The following CNTNAP2 variants were observed in gnomAD, a reference collection of about 807,000 sequenced individuals.
CNTNAP2 encodes contactin associated protein 2.
In CNTNAP2, 98 loss-of-function variants were observed where a neutral mutation model predicts 155.2. That is an observed-to-expected ratio of 0.63 (90% CI 0.54 to 0.75). The LOEUF (loss-of-function observed/expected upper bound fraction) is 0.75. Among genes scored for constraint, CNTNAP2 ranks in the 30% least tolerant of loss-of-function variants. The probability of loss-of-function intolerance (pLI) is 0.00; values close to 1 mark genes in which losing one functional copy is unlikely to be tolerated. For missense variants in CNTNAP2, 1,727 were observed against 1,688.1 expected, an observed-to-expected ratio of 1.02 and a Z score of -0.40; for synonymous variants, 651 against 631.2, an observed-to-expected ratio of 1.03 and a Z score of -0.47.
At chr7:146,343,273 G>A (rs774250197) in intron 1 of CNTNAP2, among the ~76,000 whole-genome samples, 25 of 152,104 alleles carry the variant, frequency 1.6e-4, no homozygotes, top group Admixed American at 3.9e-4. Context: ...CACACGCTTA[G>A]AGAACATTCC....
chr7:148,112,632 C>A (rs1804377499), intron 15 of CNTNAP2, among the ~76,000 whole-genome samples: 1 of 151,974 alleles, frequency 6.6e-6, no homozygotes, highest in Admixed American at 6.6e-5. Context: ...TGGCCTCAAG[C>A]AATCCTCCCA....
intron 14 of CNTNAP2, among the ~76,000 whole-genome samples, chr7:147,929,557 A>G (rs1209240149): frequency 1.3e-5 from 2 of 152,234 alleles, no homozygotes; most frequent in African/African-American, 4.8e-5. Context: ...AGGTCCAGCC[A>G]TTTAGAGATA....
intron 1 of CNTNAP2, among the ~76,000 whole-genome samples, chr7:146,753,255 T>A (rs1563216849): frequency 6.6e-6 from 1 of 151,240 alleles, no homozygotes; most frequent in African/African-American, 2.5e-5. Flanking sequence ...TTCAGTCAAA[T>A]AATAACTCAG....
chr7:148,207,717 G>A (rs1006880213), intron 18 of CNTNAP2, among the ~76,000 whole-genome samples: 4 of 152,154 alleles, frequency 2.6e-5, no homozygotes, highest in Non-Finnish European at 1.5e-5. Flanking sequence ...GTTTAAGAAG[G>A]ACATGGTTAG....
intron 1 of CNTNAP2, among the ~76,000 whole-genome samples, chr7:146,132,830 G>C (rs1291668386): frequency 1.3e-5 from 2 of 148,826 alleles, no homozygotes; most frequent in African/African-American, 5.0e-5. Context: ...CATTTGGGTT[G>C]GTTCCAAGTC....
At chr7:147,859,403 G>A (rs1370163579) in intron 13 of CNTNAP2, among the ~76,000 whole-genome samples, 1 of 136,988 alleles carries the variant, frequency 7.3e-6, no homozygotes, top group African/African-American at 2.8e-5. Context: ...AATTAATGAT[G>A]TGCTGACAAG....
At chr7:147,084,509 T>A (rs914693571) in intron 4 of CNTNAP2, among the ~76,000 whole-genome samples, 1 of 141,978 alleles carries the variant, frequency 7.0e-6, no homozygotes. Context: ...ATAAATGCTC[T>A]ATATTGTATA....
At chr7:147,081,463 C>T (rs1800126570) in intron 4 of CNTNAP2, 1 of 147,386 alleles carries the variant, frequency 6.8e-6, no homozygotes, top group African/African-American at 2.5e-5. Context: ...TGTCGCCAGG[C>T]TGGAGTGCAG....
chr7:147,722,389 T>C (rs905573460), intron 13 of CNTNAP2, among the ~76,000 whole-genome samples: 1 of 152,268 alleles, frequency 6.6e-6, no homozygotes, highest in Non-Finnish European at 1.5e-5. Flanking sequence ...TTTATGTAGA[T>C]GATAATTCCT....
chr7:146,690,094 A>G (rs1273896389), intron 1 of CNTNAP2, among the ~76,000 whole-genome samples: 2 of 152,118 alleles, frequency 1.3e-5, no homozygotes, highest in Non-Finnish European at 2.9e-5. Context: ...TCCATTTCAC[A>G]TAATTACAGG....
At chr7:146,693,283 A>C (rs1800727632) in intron 1 of CNTNAP2, among the ~76,000 whole-genome samples, 1 of 152,010 alleles carries the variant, frequency 6.6e-6, no homozygotes, top group Non-Finnish European at 1.5e-5. Context: ...ACTTTCATGT[A>C]TTTTCTTATG....
chr7:146,206,020 G>T (rs1014288086), intron 1 of CNTNAP2, among the ~76,000 whole-genome samples: 4 of 151,748 alleles, frequency 2.6e-5, no homozygotes, highest in African/African-American at 9.7e-5. Flanking sequence ...TTTGTGTTTC[G>T]TTTAGGCAGA....
At chr7:146,413,832 CTTTTCTTTT>C (rs1036023269) in intron 1 of CNTNAP2, among the ~76,000 whole-genome samples, 1 of 152,044 alleles carries the variant, frequency 6.6e-6, no homozygotes, top group African/African-American at 2.4e-5. Flanking sequence ...CTATATTTTT[CTTTTCTTTT>C]TTTTCTTTTT....
chr7:147,877,143 TG>T (rs981094777), intron 13 of CNTNAP2, among the ~76,000 whole-genome samples: 51 of 152,228 alleles, frequency 3.4e-4, no homozygotes, highest in African/African-American at 1.0e-3. Context: ...AAGGCTTTTT[TG>T]TGTTGTTTGG....
chr7:146,754,217 T>A (rs1801953488), intron 1 of CNTNAP2, among the ~76,000 whole-genome samples: 1 of 152,008 alleles, frequency 6.6e-6, no homozygotes, highest in Non-Finnish European at 1.5e-5. Flanking sequence ...TGCTATTTCT[T>A]CCAGAGACAT....
chr7:147,219,513 C>T (rs1305303657), intron 8 of CNTNAP2, among the ~76,000 whole-genome samples: 2 of 152,162 alleles, frequency 1.3e-5, no homozygotes, highest in Non-Finnish European at 2.9e-5. Context: ...AGACTAAGCA[C>T]ACCTCTTCAT....
intron 1 of CNTNAP2, among the ~76,000 whole-genome samples, chr7:146,579,204 A>AT (rs1383378087): frequency 4.0e-5 from 6 of 151,866 alleles, no homozygotes; most frequent in East Asian, 1.9e-4. Context: ...TTCCCTCTCA[A>AT]TTTTTTTTGT....
At chr7:148,045,643 C>T (rs755137376) in intron 15 of CNTNAP2, among the ~76,000 whole-genome samples, 3 of 152,234 alleles carry the variant, frequency 2.0e-5, no homozygotes, top group Non-Finnish European at 4.4e-5. Context: ...GATTTCGCTA[C>T]GCCTTAGGCA....
At chr7:146,967,649 A>G (rs1396250821) in intron 3 of CNTNAP2, among the ~76,000 whole-genome samples, 3 of 152,176 alleles carry the variant, frequency 2.0e-5, no homozygotes, top group Non-Finnish European at 4.4e-5. Context: ...TGATTTTTGT[A>G]CATTGATTTT....
Sources: allele counts gnomAD v4.1 joint callset (sites outside exome capture counted in the v4.1 genomes callset), GRCh38; gene constraint gnomAD v4.1.1; transcripts MANE v1.5; gene names NCBI Gene and HGNC (gene_info 2026-07-23, HGNC 2026-07-21).